JADE2: variants seen among roughly 807,000 people sequenced by gnomAD.
The protein encoded by JADE2 is jade family PHD finger 2, also known as E3 ubiquitin-protein ligase Jade-2.
JADE2 carries 13 observed loss-of-function variants against 85.7 expected under a neutral mutation model. The ratio of observed to expected loss-of-function variants is 0.15; its 90% confidence interval spans 0.10 to 0.24. The LOEUF is 0.24. JADE2 is among the 10% of genes least tolerant of loss of function. The pLI is 1.00. For missense variants in JADE2, 846 were observed against 1,115.9 expected (o/e 0.76, Z 3.45); for synonymous variants, 440 against 456.1 (o/e 0.96, Z 0.45).
At chr5:134,558,993 G>A (rs755953646) in intron 4 of JADE2, among the ~76,000 whole-genome samples, 4 of 152,212 alleles carry the variant, frequency 2.6e-5, no homozygotes, top group Non-Finnish European at 4.4e-5. Context: ...CGGCAGAGCT[G>A]TGGCCACAAA....
chr5:134,531,886 T>C (rs866791613), intron 1 of JADE2, among the ~76,000 whole-genome samples: 70 of 92,220 alleles, frequency 7.6e-4, no homozygotes, highest in African/African-American at 2.8e-3. Context: ...TGCCTGGCTT[T>C]TTTTTTTTTT....
rs1444960089 is a variant in JADE2 at position 134,578,695 on chromosome 5, C to T, written c.1883C>T (p.Ser628Leu). 5 of 1,613,852 alleles carry T rather than the reference C, an allele frequency of 3.1e-6. No individual in the cohort carries two copies. The highest frequency in any genetic ancestry group is 3.4e-6 in the Non-Finnish European group (4 of 1,180,008). ...ETLLSFMRDP[S>L]LRPGDPARKA... ...CTGCTCAGCTTCATGCGGGACCCCT[C>T]GCTGCGACCTGGTGACCCTGCTAGG... Residue 628 changes from serine (S) to leucine (L), a missense_variant, in exon 12 of 12, where the codon TCG becomes TTG. By Grantham distance (145) the Ser-to-Leu change is moderately radical. Around this residue, in one of 9 missense-constraint regions of JADE2, gnomAD observed 300 missense variants for 300.7 expected, o/e 1.00. Transcript: ENST00000681547. The surrounding 1 kb of genome is among the most constrained non-coding windows in gnomAD (Gnocchi z 4.4).
At chr5:134,576,605 G>T (rs1344747672) in intron 10 of JADE2, among the ~76,000 whole-genome samples, 163 bp from the exon 11 acceptor site, 1 of 152,182 alleles carries the variant, frequency 6.6e-6, no homozygotes, top group Non-Finnish European at 1.5e-5. Context: ...TGGACAGTTG[G>T]TCCACCCCAC....
chr5:134,567,304 T>A (rs945931220), intron 9 of JADE2, among the ~76,000 whole-genome samples: 5 of 152,056 alleles, frequency 3.3e-5, no homozygotes, highest in Non-Finnish European at 5.9e-5. Context: ...CACCCAACAC[T>A]CCCTGGAGGA....
intron 10 of JADE2, chr5:134,574,311 G>A (rs1764230736): frequency 5.6e-6 from 1 of 178,772 alleles, no homozygotes; most frequent in Admixed American, 6.1e-5. Flanking sequence ...GCGTTTAGTG[G>A]ATCTGGAAAT....
rs1356331896 is a variant in JADE2, at chr5:134,580,869, G to A, written c.*1552G>A. On this transcript the variant is annotated 3_prime_UTR_variant, in exon 12 of 12. Coordinates refer to ENST00000681547, the MANE Select transcript of JADE2 (RefSeq NM_001388185.1). ...TGCTGCTGCTGAAGTGTACCTGGGT[G>A]TTAGATTTCAGATCCTGGGCTGAGC... 6.6e-6 allele frequency: 1 copy of A among 152,668 alleles called. No individual in the cohort carries two copies. The highest frequency in any genetic ancestry group is 6.5e-5 in the Admixed American group (1 of 15,286). 9.5% of individuals were successfully genotyped at this position (152,668 alleles called of 1,614,324 possible). A position where few individuals can be genotyped will look rare whatever the true frequency, so the allele number is the denominator to read the frequency against.
chr5:134,534,198 C>T (rs1761440499), intron 1 of JADE2, among the ~76,000 whole-genome samples: 1 of 152,178 alleles, frequency 6.6e-6, no homozygotes, highest in Admixed American at 6.5e-5. Flanking sequence ...CTCTGAGCTT[C>T]AGTTTCCTCC....
intron 10 of JADE2, chr5:134,574,127 G>A: frequency 2.9e-6 from 1 of 346,196 alleles, no homozygotes; most frequent in Non-Finnish European, 5.5e-6. Flanking sequence ...AGAAGCTGGT[G>A]AGCTTCCCTG....
At position 134,560,735 on chromosome 5, in the gene JADE2, C is replaced by G; in HGVS notation, c.473-11C>G. ...TCCTAACACCACCATGCCCTGCTGT[C>G]CTCCTCACAGAGAGGCCGGAGCTGG... On this transcript the variant is annotated splice_polypyrimidine_tract_variant and intron_variant, in intron 5 of 11. Transcript: ENST00000681547. 1 of 1,610,836 alleles carries G rather than the reference C, an allele frequency of 6.2e-7. No individual in the cohort carries two copies. The highest frequency in any genetic ancestry group is 1.7e-5 in the Admixed American group (1 of 59,586).
intron 3 of JADE2, among the ~76,000 whole-genome samples, chr5:134,546,569 A>T (rs1406592318): frequency 6.6e-6 from 1 of 152,116 alleles, no homozygotes. Context: ...GGAGTTCGAT[A>T]CCAGCCTGGC....
rs1426717946 is a variant in JADE2, at chr5:134,566,020, G to A, written c.970-96G>A. The A allele has an allele frequency of 1.8e-5, 19 of 1,063,922 alleles. No homozygotes were observed. Among genetic ancestry groups the A allele is most frequent in the Non-Finnish European group, 1.4e-6 (1 of 716,604 alleles). The allele number at this position is 1,063,922 out of a possible 1,614,324, so 65.9% of individuals were successfully genotyped here. A position where few individuals can be genotyped will look rare whatever the true frequency, so the allele number is the denominator to read the frequency against. On this transcript the variant is annotated intron_variant, in intron 8 of 11. Transcript: ENST00000681547. The surrounding 1 kb of genome is among the most constrained non-coding windows in gnomAD (Gnocchi z 6.7). ...TTCTGTTTAGGTTCTCTCCAGCATT[G>A]CGCATTCTCAGTAGAGCCCTGGGGG...
At chr5:134,535,594 C>T (rs966452248) in intron 1 of JADE2, among the ~76,000 whole-genome samples, 5 of 152,088 alleles carry the variant, frequency 3.3e-5, no homozygotes, top group Admixed American at 6.6e-5. Context: ...ATGTCCTCTC[C>T]CTCTACAACA....
rs1462113513 is a variant in JADE2, at chr5:134,562,903, G to T, written c.852+536G>T. 6.6e-6 allele frequency among the ~76,000 whole-genome samples: 1 copy of T among 152,190 alleles called. No individual in the cohort carries two copies. The highest frequency in any genetic ancestry group is 1.5e-5 in the Non-Finnish European group (1 of 68,038). ...ACTTCTATGAGAAAATGGGGTTAGG[G>T]ACCGCTAGGAGATTTCAGGAGATAG... On this transcript the variant is annotated intron_variant, in intron 7 of 11. Coordinates refer to ENST00000681547, the MANE Select transcript of JADE2 (RefSeq NM_001388185.1). This position sits in a 1 kb window ranked among gnomAD's most constrained non-coding sequence, Gnocchi z 4.6.
At chr5:134,555,201 T>G (rs555022209) in intron 4 of JADE2, among the ~76,000 whole-genome samples, 21 of 152,166 alleles carry the variant, frequency 1.4e-4, no homozygotes, top group African/African-American at 4.8e-4. Flanking sequence ...GTCTGAAATC[T>G]GTCTGAACAA....
At chr5:134,549,796 A>G (rs1379919046) in intron 3 of JADE2, among the ~76,000 whole-genome samples, 2 of 152,234 alleles carry the variant, frequency 1.3e-5, no homozygotes, top group East Asian at 3.8e-4. Context: ...CACTGTCCCA[A>G]GTGTGTGGTT....
chr5:134,567,203 T>C (rs1581468020), intron 9 of JADE2, among the ~76,000 whole-genome samples: 1 of 152,104 alleles, frequency 6.6e-6, no homozygotes, highest in South Asian at 2.1e-4. Context: ...AAGGGGCTGG[T>C]GGATCGCACG....
At chr5:134,546,949 A>T (rs4958189) in intron 3 of JADE2, among the ~76,000 whole-genome samples, 1 of 152,070 alleles carries the variant, frequency 6.6e-6, no homozygotes, top group Non-Finnish European at 1.5e-5. Context: ...CCCAGGATGA[A>T]GTGTTCAAAT....
At chr5:134,564,782 C>G (rs1367113340) in intron 8 of JADE2, among the ~76,000 whole-genome samples, 172 bp downstream of exon 8, 1 of 152,158 alleles carries the variant, frequency 6.6e-6, no homozygotes, top group African/African-American at 2.4e-5. Flanking sequence ...GGGAGCATTT[C>G]TCCATCCCCT....
At chr5:134,570,197 C>T (rs969107461) in intron 9 of JADE2, among the ~76,000 whole-genome samples, 3 of 152,156 alleles carry the variant, frequency 2.0e-5, no homozygotes, top group African/African-American at 7.2e-5. Flanking sequence ...CACACCCCAC[C>T]TCATACCTGC....
Sources: allele counts gnomAD v4.1 joint callset (sites outside exome capture counted in the v4.1 genomes callset), GRCh38; gene constraint gnomAD v4.1.1; regional missense constraint gnomAD v4.1.1; non-coding constraint Gnocchi (gnomAD v3.1); transcripts MANE v1.5; gene names NCBI Gene and HGNC (gene_info 2026-07-23, HGNC 2026-07-21).